Variants in EYS observed in about 807,000 individuals in gnomAD.
The protein encoded by EYS is EGF-like photoreceptor maintenance factor, also known as protein eyes shut homolog.
In EYS, 250 loss-of-function variants were observed where a neutral mutation model predicts 282.1. That is an observed-to-expected ratio of 0.89 (90% CI 0.80 to 0.98). The LOEUF is 0.98. Ranked by LOEUF, EYS falls within the 50% of genes least tolerant of loss-of-function variation. The pLI is 0.00. For missense variants in EYS, 4,016 were observed against 3,709.0 expected (o/e 1.08, Z -2.15); for synonymous variants, 1,355 against 1,282.9 (o/e 1.06, Z -1.20).
intron 30 of EYS, among the ~76,000 whole-genome samples, chr6:64,252,308 T>G (rs1351763537): frequency 1.3e-5 from 2 of 152,084 alleles, no homozygotes; most frequent in Admixed American, 1.3e-4. Flanking sequence ...AGCGTAATCC[T>G]TTTTCCTCTT....
At chr6:65,095,050 T>C (rs1382995628) in intron 12 of EYS, among the ~76,000 whole-genome samples, 1 of 151,292 alleles carries the variant, frequency 6.6e-6, no homozygotes, top group Non-Finnish European at 1.5e-5. Context: ...ATGAGACTAC[T>C]ATTGGCAATT....
intron 13 of EYS, among the ~76,000 whole-genome samples, chr6:65,056,843 A>G (rs1773431885): frequency 6.6e-6 from 1 of 152,216 alleles, no homozygotes; most frequent in African/African-American, 2.4e-5. Context: ...ACATTCAACT[A>G]AATGAGCTAG....
intron 30 of EYS, among the ~76,000 whole-genome samples, chr6:64,246,900 G>A (rs1315414035): frequency 6.8e-6 from 1 of 147,478 alleles, no homozygotes; most frequent in Non-Finnish European, 1.5e-5. Flanking sequence ...AAATTAAATT[G>A]AAAATTATAT....
At chr6:64,730,607 A>T (rs147936503) in intron 22 of EYS, among the ~76,000 whole-genome samples, 1,889 of 152,206 alleles carry the variant, frequency 0.012, 15 homozygotes, top group Non-Finnish European at 0.02. Context: ...GCCTCCGAGT[A>T]GCTAGGACTA....
intron 2 of EYS, among the ~76,000 whole-genome samples, chr6:65,529,251 T>C (rs775623565): frequency 6.6e-6 from 1 of 152,196 alleles, no homozygotes; most frequent in East Asian, 1.9e-4. Flanking sequence ...CTCAACCTTA[T>C]GATGTTCTGG....
rs184574351 is a variant in EYS, at chr6:65,349,121, G to T, written c.1459+4337C>A. Among the ~76,000 whole-genome samples the T allele has an allele frequency of 2.0e-5, 3 of 151,304 alleles. No homozygotes were observed. In the East Asian group the frequency reaches 5.9e-4, roughly 30 times the overall value. ...ATAGTCCCTACTTATTCTAATAATC[G>T]GAGATGGCAGTTTTATTATATGTTA... On this transcript the variant is annotated intron_variant, in intron 9 of 42. Coordinates refer to ENST00000503581, the MANE Select transcript of EYS (RefSeq NM_001142800.2).
rs558948501 is a variant in EYS at position 63,871,251 on chromosome 6, C to T, written c.7056-6893G>A. On this transcript the variant is annotated intron_variant, in intron 35 of 42. Coordinates refer to ENST00000503581, the MANE Select transcript of EYS (RefSeq NM_001142800.2). ...AAGAATTTTCACTTTAACTTATTGGCAATAGACATTGAAACGTTTTTGATG... is the reference window on the plus strand; with the variant it reads ...AAGAATTTTCACTTTAACTTATTGGTAATAGACATTGAAACGTTTTTGATG... Among the ~76,000 whole-genome samples the T allele has an allele frequency of 3.9e-5, 6 of 152,254 alleles. No individual in the cohort carries two copies. In the South Asian group the frequency reaches 6.2e-4, roughly 16 times the overall value.
intron 11 of EYS, among the ~76,000 whole-genome samples, chr6:65,319,217 A>AG (rs1211567326): frequency 6.8e-6 from 1 of 147,106 alleles, no homozygotes; most frequent in African/African-American, 2.5e-5. Context: ...AAAAAAAAAA[A>AG]AAAAAAAAAA....
chr6:63,969,698 C>T (rs940904532), intron 35 of EYS, among the ~76,000 whole-genome samples: 2 of 152,178 alleles, frequency 1.3e-5, no homozygotes, highest in African/African-American at 4.8e-5. Context: ...GGACTGGACA[C>T]ATCAATCAGT....
chr6:65,593,609 T>C (rs1012938640), intron 2 of EYS, among the ~76,000 whole-genome samples: 4 of 152,084 alleles, frequency 2.6e-5, no homozygotes, highest in Admixed American at 2.6e-4. Flanking sequence ...AAACTACTCT[T>C]AAGAGGTAAG....
chr6:64,315,815 T>G (rs1769934452), intron 29 of EYS, among the ~76,000 whole-genome samples: 1 of 151,148 alleles, frequency 6.6e-6, no homozygotes, highest in Non-Finnish European at 1.5e-5. Context: ...GAGAAAACCC[T>G]CAATAAAATG....
At chr6:65,701,812 C>A (rs1769688602) in intron 1 of EYS, among the ~76,000 whole-genome samples, 2 of 152,190 alleles carry the variant, frequency 1.3e-5, no homozygotes, top group East Asian at 1.9e-4. Context: ...AATAAAAGGG[C>A]ATATACATAT....
At chr6:64,736,286 A>C (rs985651007) in intron 22 of EYS, among the ~76,000 whole-genome samples, 2 of 152,182 alleles carry the variant, frequency 1.3e-5, no homozygotes, top group Admixed American at 6.5e-5. Context: ...AATACATTAC[A>C]TATAAATAGA....
chr6:65,306,827 C>T (rs1225315907), intron 11 of EYS, among the ~76,000 whole-genome samples: 8 of 28,792 alleles, frequency 2.8e-4, no homozygotes, highest in East Asian at 6.6e-4. Context: ...AGCAAGAGTC[C>T]GTCTCAAAAA....
At chr6:64,103,197 C>T (rs1187314362) in intron 31 of EYS, among the ~76,000 whole-genome samples, 1 of 152,018 alleles carries the variant, frequency 6.6e-6, no homozygotes, top group African/African-American at 2.4e-5. Flanking sequence ...TTCCTACCCA[C>T]TCTATGGAAG....
intron 15 of EYS, among the ~76,000 whole-genome samples, chr6:64,938,544 G>C (rs1025373565): frequency 1.3e-5 from 2 of 151,396 alleles, no homozygotes; most frequent in Admixed American, 1.3e-4. Context: ...CTTTACAATG[G>C]GATAAAAGCA....
In EYS at chr6:65,167,532, G is replaced by T. The variant is rs191003994; in HGVS notation, c.2024-109805C>A. 5.3e-4 allele frequency among the ~76,000 whole-genome samples: 80 copies of T among 151,234 alleles called. No homozygotes were observed. In the East Asian group the frequency reaches 0.015, roughly 28 times the overall value. On this transcript the variant is annotated intron_variant, in intron 12 of 42. Coordinates refer to ENST00000503581, the MANE Select transcript of EYS (RefSeq NM_001142800.2). ...TTTCTCTTTGGTTTTCTGCAATTTTGCTATGAAATGCCCAGGGGACTATAT... is the reference window on the plus strand; with the variant it reads ...TTTCTCTTTGGTTTTCTGCAATTTTTCTATGAAATGCCCAGGGGACTATAT...
chr6:64,825,323 A>G (rs1583197104), intron 19 of EYS, among the ~76,000 whole-genome samples: 1 of 151,928 alleles, frequency 6.6e-6, no homozygotes, highest in East Asian at 1.9e-4. Context: ...ATCTCCTTGT[A>G]GCATTCCATA....
chr6:64,403,709 C>G (rs777185608), intron 28 of EYS, among the ~76,000 whole-genome samples: 4 of 152,100 alleles, frequency 2.6e-5, no homozygotes, highest in Non-Finnish European at 5.9e-5. Context: ...CTATCATGGG[C>G]AATCCTGAAA....
Sources: gnomAD v4.1 joint callset for allele counts (sites outside exome capture counted in the v4.1 genomes callset) on GRCh38, gnomAD v4.1.1 for gene constraint, MANE v1.5 for transcripts, NCBI Gene and HGNC (gene_info 2026-07-23, HGNC 2026-07-21) for gene names.